The following CRAT variants were observed in gnomAD, a reference collection of about 807,000 sequenced individuals.
The protein encoded by CRAT is carnitine O-acetyltransferase.
In CRAT, 66 loss-of-function variants were observed where a neutral mutation model predicts 73.7. That is an observed-to-expected ratio of 0.90 (90% CI 0.73 to 1.10). The LOEUF (loss-of-function observed/expected upper bound fraction) is 1.10. CRAT is among the 50% of genes least tolerant of loss of function. The probability of loss-of-function intolerance (pLI) is 0.00; values close to 1 mark genes in which losing one functional copy is unlikely to be tolerated. For missense variants in CRAT, 745 were observed against 846.9 expected (o/e 0.88, Z 1.49); for synonymous variants, 321 against 343.2 (o/e 0.94, Z 0.71).
At position 129,098,619 on chromosome 9, in the gene CRAT, C is replaced by A; in HGVS notation, c.1117G>T (p.Val373Leu). 4 of 1,600,386 alleles carry A rather than the reference C, an allele frequency of 2.5e-6. No individual in the cohort carries two copies. Among genetic ancestry groups the A allele is most frequent in the Non-Finnish European group, 3.4e-6 (4 of 1,176,590 alleles). ...KKPELVRSPL[V>L]PLPMPKKLRF... Reference sequence around the variant, plus strand: ...AGCTTCTTGGGCATGGGCAGGGGCACCAGGGGAGACCGCACAAGCTCGGGT... The same window carrying A: ...AGCTTCTTGGGCATGGGCAGGGGCAACAGGGGAGACCGCACAAGCTCGGGT... Residue 373 changes from valine to leucine, a missense_variant, in exon 9 of 14, where the codon GTG (valine) becomes TTG (leucine). Coordinates refer to ENST00000318080, the MANE Select transcript of CRAT (RefSeq NM_000755.5).
At position 129,106,580 on chromosome 9, in the gene CRAT, G is replaced by T. The variant is rs972027360; in HGVS notation, c.291+1234C>A. On this transcript the variant is annotated intron_variant, in intron 2 of 13. Transcript: ENST00000318080. This position sits in a 1 kb window ranked among gnomAD's most constrained non-coding sequence, Gnocchi z 4.0. ...TTGAAGGAGTCCCAGGCTAAATGAA[G>T]TCGGAAAACCACCAGCCCCCAGACG... Among the ~76,000 whole-genome samples, 33 of 152,018 alleles carry T rather than the reference G, an allele frequency of 2.2e-4. No homozygotes were observed. The highest frequency in any genetic ancestry group is 7.3e-4 in the African/African-American group (30 of 41,364).
intron 7 of CRAT, chr9:129,100,253 G>A: frequency 1.7e-6 from 1 of 585,948 alleles, no homozygotes; most frequent in Admixed American, 3.1e-5. Flanking sequence ...GGATTGCACT[G>A]GTGACCCCGG....
chr9:129,105,080 T>C (rs1847935399), intron 2 of CRAT, among the ~76,000 whole-genome samples: 1 of 149,392 alleles, frequency 6.7e-6, no homozygotes, highest in Admixed American at 6.7e-5. Flanking sequence ...TTTTTTTTTG[T>C]AGTTTTAGTA....
Position 129,106,841 on chromosome 9 carries a change from C to T in CRAT, c.291+973G>A, listed in dbSNP as rs546689160. 1.7e-4 allele frequency among the ~76,000 whole-genome samples: 26 copies of T among 152,256 alleles called. No homozygotes were observed. The South Asian group carries it at 3.5e-3, about 21-fold the overall frequency. ...TAGCTTCTCTCTCAGGCAACCCCGA[C>T]TTGGCAAATTCCACCCGTGCCCCCA... is the stretch of plus-strand genomic sequence containing the variant. On this transcript the variant is annotated intron_variant, in intron 2 of 13. Transcript: ENST00000318080. This position sits in a 1 kb window ranked among gnomAD's most constrained non-coding sequence, Gnocchi z 4.0.
rs1029814222 is a variant in CRAT, at chr9:129,107,454, C to T, written c.291+360G>A. ...TCATAGATCAGATACAGAACCTGGGCGATCGGTCACTGAGTGACACATATC... is the reference window on the plus strand; with the variant it reads ...TCATAGATCAGATACAGAACCTGGGTGATCGGTCACTGAGTGACACATATC... On this transcript the variant is annotated intron_variant, in intron 2 of 13. Coordinates refer to ENST00000318080, the MANE Select transcript of CRAT (RefSeq NM_000755.5). The surrounding 1 kb of genome is among the most constrained non-coding windows in gnomAD (Gnocchi z 5.0). The T allele has an allele frequency of 1.8e-5, 11 of 597,722 alleles. No homozygotes were observed. The highest frequency in any genetic ancestry group is 3.7e-5 in the African/African-American group (2 of 53,920). The allele number at this position is 597,722 out of a possible 1,614,324, so 37.0% of individuals were successfully genotyped here. A position where few individuals can be genotyped will look rare whatever the true frequency, so the allele number is the denominator to read the frequency against.
intron 3 of CRAT, 83 bp downstream of exon 3, chr9:129,104,105 G>C: frequency 1.1e-6 from 1 of 914,884 alleles, no homozygotes; most frequent in Non-Finnish European, 1.7e-6. Flanking sequence ...AAGATAAACA[G>C]GGTCGGGGCC....
intron 7 of CRAT, 199 bp from the exon 8 acceptor site, chr9:129,100,165 C>T: frequency 5.1e-6 from 3 of 587,076 alleles, no homozygotes; most frequent in Non-Finnish European, 9.1e-6. Flanking sequence ...GCGTGCCTGA[C>T]TGAGTCCTTC....
chr9:129,110,432 G>C lies in CRAT; in HGVS notation c.27+51C>G. 2 of 1,514,690 alleles carry C rather than the reference G, an allele frequency of 1.3e-6. No homozygotes were observed. The highest frequency in any genetic ancestry group is 1.8e-6 in the Non-Finnish European group (2 of 1,138,718). 93.8% of individuals were successfully genotyped at this position (1,514,690 alleles called of 1,614,324 possible). A position where few individuals can be genotyped will look rare whatever the true frequency, so the allele number is the denominator to read the frequency against. ...TCTCCGTTCCCGGACGCAACCGCAC[G>C]GCCCGCCCAGGCCGTCCAGGGCCCT... On this transcript the variant is annotated intron_variant, in intron 1 of 13. Transcript: ENST00000318080. This position sits in a 1 kb window ranked among gnomAD's most constrained non-coding sequence, Gnocchi z 5.3.
At position 129,110,394 on chromosome 9, in the gene CRAT, C is replaced by T; in HGVS notation, c.27+89G>A. On this transcript the variant is annotated intron_variant, in intron 1 of 13. Transcript: ENST00000318080. This position sits in a 1 kb window ranked among gnomAD's most constrained non-coding sequence, Gnocchi z 5.3. The stretch of plus-strand genomic sequence containing the variant: ...AGCTGGAGGCCGGGTCGAACAGCGG[C>T]CGCAGGACGCGGTCTCCGTTCCCGG... 1.5e-6 allele frequency: 2 copies of T among 1,355,750 alleles called. No individual in the cohort carries two copies. The highest frequency in any genetic ancestry group is 1.9e-6 in the Non-Finnish European group (2 of 1,027,004). 84.0% of individuals were successfully genotyped at this position (1,355,750 alleles called of 1,614,324 possible).
chr9:129,108,938 G>A, intron 1 of CRAT: 1 of 1,257,960 alleles, frequency 7.9e-7, no homozygotes, highest in Non-Finnish European at 1.0e-6. Flanking sequence ...GATTCAGCGG[G>A]AGGCAGGTGG....
chr9:129,108,547 G>A (rs1588464176), intron 1 of CRAT: 6 of 1,133,016 alleles, frequency 5.3e-6, no homozygotes, highest in South Asian at 1.6e-5. Context: ...CAGCACCTTC[G>A]GGTGAGGGGC....
In CRAT at chr9:129,102,532, C is replaced by T; in HGVS notation, c.498G>A (p.Lys166=). ...ETLPVEYLGG[K]PLCMNQYYQI... ...GATAGTACTGGTTCATGCACAGTGG[C>T]TTCCCCCCCAGGTACTCCACGGGCA... is the stretch of plus-strand genomic sequence containing the variant. The change falls in exon 5 of 14, where the codon AAG becomes AAA. Residue 166 remains lysine (K), a synonymous_variant. Coordinates refer to ENST00000318080, the MANE Select transcript of CRAT (RefSeq NM_000755.5). The T allele has an allele frequency of 1.2e-6, 2 of 1,614,110 alleles. No homozygotes were observed. Among genetic ancestry groups the T allele is most frequent in the Middle Eastern group, 1.6e-4 (1 of 6,062 alleles).
In CRAT at chr9:129,096,135, C is replaced by A; in HGVS notation, c.1528G>T (p.Ala510Ser). 1 of 1,612,758 alleles carries A rather than the reference C, an allele frequency of 6.2e-7. No homozygotes were observed. The highest frequency in any genetic ancestry group is 2.2e-5 in the East Asian group (1 of 44,880). Residue 510 changes from alanine to serine, a missense_variant and splice_region_variant, in exon 13 of 14, where the codon GCC (alanine) becomes TCC (serine). Physicochemically the swap from Ala to Ser is moderately conservative, Grantham distance 99. Transcript: ENST00000318080. ...VQAHRGYTDR[A>S]IRGEAFDRHL... ...CGATCAAAGGCCTCCCCGCGGATGGCCTGTTGGGGTGGGAGAGCTGTCAGG... is the reference window on the plus strand; with the variant it reads ...CGATCAAAGGCCTCCCCGCGGATGGACTGTTGGGGTGGGAGAGCTGTCAGG...
In CRAT at chr9:129,097,236, G is replaced by A. The variant is rs987051433; in HGVS notation, c.1527+14C>T. The A allele has an allele frequency of 6.4e-7, 1 of 1,551,680 alleles. No homozygotes were observed. The highest frequency in any genetic ancestry group is 1.2e-5 in the South Asian group (1 of 83,582). On this transcript the variant is annotated intron_variant, in intron 12 of 13. Coordinates refer to ENST00000318080, the MANE Select transcript of CRAT (RefSeq NM_000755.5). ...CTAAGGGACAAGTGAGTAGGCACAA[G>A]CGGGCTCACTTACCCGGTCGGTGTA...
intron 6 of CRAT, among the ~76,000 whole-genome samples, 187 bp downstream of exon 6, chr9:129,101,696 T>G (rs1014046332): frequency 1.3e-5 from 2 of 152,074 alleles, no homozygotes; most frequent in Non-Finnish European, 2.9e-5. Flanking sequence ...AGACCAGAAC[T>G]CTGCGCCTTT....
chr9:129,107,621 A>T lies in CRAT; in HGVS notation c.291+193T>A, dbSNP rs1848093663. The stretch of plus-strand genomic sequence containing the variant: ...TGTTCATTACCTTTCTCTCCTCCCT[A>T]CTTGAATGTTAGCTCCAAGGAGCTG... On this transcript the variant is annotated intron_variant, in intron 2 of 13. Coordinates refer to ENST00000318080, the MANE Select transcript of CRAT (RefSeq NM_000755.5). This position sits in a 1 kb window ranked among gnomAD's most constrained non-coding sequence, Gnocchi z 5.0. 1 of 776,024 alleles carries T rather than the reference A, an allele frequency of 1.3e-6. No homozygotes were observed. Among genetic ancestry groups the T allele is most frequent in the Non-Finnish European group, 2.3e-6 (1 of 439,450 alleles). 48.1% of individuals were successfully genotyped at this position (776,024 alleles called of 1,614,324 possible).
chr9:129,100,323 C>T, intron 7 of CRAT, 188 bp downstream of exon 7: 1 of 711,226 alleles, frequency 1.4e-6, no homozygotes, highest in Non-Finnish European at 2.3e-6. Flanking sequence ...GGTTTCCAGG[C>T]CAGAGGCAGG....
chr9:129,100,119 C>T lies in CRAT; in HGVS notation c.985-153G>A, dbSNP rs1847568578. The T allele has an allele frequency of 6.5e-6, 4 of 614,416 alleles. No individual in the cohort carries two copies. The South Asian group carries it at 8.1e-5, about 12-fold the overall frequency. 38.1% of individuals were successfully genotyped at this position (614,416 alleles called of 1,614,324 possible). ...GTTATTAACAATAGCTGACACTCACCAGGTGCCCTGGTGTGCTAAGCACAT... is the reference window on the plus strand; with the variant it reads ...GTTATTAACAATAGCTGACACTCACTAGGTGCCCTGGTGTGCTAAGCACAT... On this transcript the variant is annotated intron_variant, in intron 7 of 13. Transcript: ENST00000318080.
rs771398430 is a variant in CRAT at position 129,107,699 on chromosome 9, G to A, written c.291+115C>T. The stretch of plus-strand genomic sequence containing the variant: ...CACCCTGCCAAGTGCCAGACACAGA[G>A]TATGTGCTCACGAAACTCTGGGCAG... On this transcript the variant is annotated intron_variant, in intron 2 of 13. Coordinates refer to ENST00000318080, the MANE Select transcript of CRAT (RefSeq NM_000755.5). This position sits in a 1 kb window ranked among gnomAD's most constrained non-coding sequence, Gnocchi z 5.0. 1.0e-5 allele frequency: 15 copies of A among 1,460,136 alleles called. No homozygotes were observed. The South Asian group carries it at 1.4e-4, about 14-fold the overall frequency. The allele number at this position is 1,460,136 out of a possible 1,614,324, so 90.4% of individuals were successfully genotyped here.
Sources: allele counts gnomAD v4.1 joint callset (sites outside exome capture counted in the v4.1 genomes callset), GRCh38; gene constraint gnomAD v4.1.1; non-coding constraint Gnocchi (gnomAD v3.1); transcripts MANE v1.5; gene names NCBI Gene and HGNC (gene_info 2026-07-23, HGNC 2026-07-21).